The following OPCML variants were observed in gnomAD, a reference collection of about 807,000 sequenced individuals.
OPCML encodes opioid-binding protein/cell adhesion molecule.
A neutral mutation model predicts 37.8 loss-of-function variants in OPCML; 13 were observed. That is an observed-to-expected ratio of 0.34 (90% confidence interval 0.22 to 0.55). The LOEUF (loss-of-function observed/expected upper bound fraction) is 0.55. Among genes scored for constraint, OPCML ranks in the 20% least tolerant of loss-of-function variants. The pLI, the probability that OPCML is intolerant of heterozygous loss-of-function variation, is 0.91. For synonymous variants in OPCML, 176 were observed against 168.8 expected (o/e 1.04, Z -0.33); for missense variants, 341 against 435.6 (o/e 0.78, Z 1.93).
At chr11:132,768,243 A>G (rs1350649902) in intron 2 of OPCML, among the ~76,000 whole-genome samples, 1 of 152,184 alleles carries the variant, frequency 6.6e-6, no homozygotes, top group Non-Finnish European at 1.5e-5. Context: ...AGTTCCCTAC[A>G]GCTCCACCCT....
chr11:132,647,841 A>G (rs1353052436), intron 3 of OPCML, among the ~76,000 whole-genome samples: 1 of 152,174 alleles, frequency 6.6e-6, no homozygotes, highest in Non-Finnish European at 1.5e-5. Context: ...ACTGAAAAAG[A>G]TTATTGACTG....
chr11:133,349,885 T>C (rs1317483144), intron 1 of OPCML, among the ~76,000 whole-genome samples: 1 of 152,220 alleles, frequency 6.6e-6, no homozygotes, highest in Non-Finnish European at 1.5e-5. Context: ...TGAAATTCCA[T>C]TTCTTCCCTG....
intron 2 of OPCML, among the ~76,000 whole-genome samples, chr11:132,795,479 A>T (rs1938249958): frequency 6.6e-6 from 1 of 152,226 alleles, no homozygotes; most frequent in South Asian, 2.1e-4. Context: ...CCCAAAGTGA[A>T]ATCTCATGCC....
At chr11:132,722,971 G>A (rs76812233) in intron 2 of OPCML, among the ~76,000 whole-genome samples, 6,864 of 152,216 alleles carry the variant, frequency 0.045, 430 homozygotes, top group African/African-American at 0.14. Context: ...GAGGTTGATT[G>A]GAACAGACCA....
chr11:133,221,056 A>G (rs1011004685), intron 1 of OPCML, among the ~76,000 whole-genome samples: 37 of 152,108 alleles, frequency 2.4e-4, no homozygotes, highest in African/African-American at 6.8e-4. Flanking sequence ...TAGATCCCCA[A>G]ACTATTTTGT....
intron 1 of OPCML, among the ~76,000 whole-genome samples, chr11:133,198,535 T>C (rs889063294): frequency 4.6e-5 from 7 of 152,062 alleles, no homozygotes; most frequent in South Asian, 2.1e-4. Context: ...AACTTCACGA[T>C]TGGGAACTAG....
intron 1 of OPCML, among the ~76,000 whole-genome samples, chr11:133,123,027 G>A (rs1949445527): frequency 6.6e-6 from 1 of 152,144 alleles, no homozygotes; most frequent in African/African-American, 2.4e-5. Context: ...CAGAAATAAT[G>A]TTTTTCCATG....
chr11:133,493,533 CA>C (rs1947712640), intron 1 of OPCML, among the ~76,000 whole-genome samples: 1 of 152,064 alleles, frequency 6.6e-6, no homozygotes, highest in Admixed American at 6.5e-5. Flanking sequence ...GACACTTCTA[CA>C]ACATCTTTTC....
intron 2 of OPCML, among the ~76,000 whole-genome samples, chr11:132,659,675 T>G (rs1037358420): frequency 6.6e-6 from 1 of 152,000 alleles, no homozygotes; most frequent in Non-Finnish European, 1.5e-5. Flanking sequence ...CATATTCACA[T>G]TTAAAAATTT....
intron 2 of OPCML, among the ~76,000 whole-genome samples, chr11:132,822,503 A>AGTGTGT: frequency 6.7e-6 from 1 of 149,638 alleles, no homozygotes; most frequent in South Asian, 2.1e-4. Context: ...AGGAGAGTGA[A>AGTGTGT]GTGTGTGTGT....
intron 2 of OPCML, among the ~76,000 whole-genome samples, chr11:132,846,200 C>A (rs1373956849): frequency 6.6e-6 from 1 of 152,154 alleles, no homozygotes; most frequent in African/African-American, 2.4e-5. Flanking sequence ...AGTGTCTAGG[C>A]TTACAAGTTT....
At chr11:132,868,503 G>GA (rs72327785) in intron 2 of OPCML, among the ~76,000 whole-genome samples, 1 of 151,824 alleles carries the variant, frequency 6.6e-6, no homozygotes, top group Non-Finnish European at 1.5e-5. Flanking sequence ...CTAAATAATT[G>GA]AAAAAAACTT....
intron 2 of OPCML, among the ~76,000 whole-genome samples, chr11:132,918,193 G>A (rs1174371410): frequency 6.6e-6 from 1 of 152,018 alleles, no homozygotes; most frequent in Non-Finnish European, 1.5e-5. Flanking sequence ...AACTGTTTTT[G>A]TATCCCTTTT....
At chr11:133,118,586 G>A (rs548144445) in intron 1 of OPCML, among the ~76,000 whole-genome samples, 42 of 152,082 alleles carry the variant, frequency 2.8e-4, no homozygotes, top group East Asian at 9.7e-4. Context: ...CCTAGAGGCC[G>A]CATGTATGGC....
intron 1 of OPCML, chr11:133,361,588 T>C (rs868262275): frequency 7.1e-5 from 11 of 155,924 alleles, no homozygotes; most frequent in South Asian, 1.3e-4. Context: ...CCTGCAGCTA[T>C]TCCGGGGCAC....
At chr11:132,745,881 A>G (rs775805071) in intron 2 of OPCML, among the ~76,000 whole-genome samples, 4 of 152,162 alleles carry the variant, frequency 2.6e-5, no homozygotes, top group Non-Finnish European at 5.9e-5. Flanking sequence ...TTCAGAAAGG[A>G]TCCTCCTGCC....
chr11:133,068,892 G>A lies in OPCML; in HGVS notation c.62-125882C>T, dbSNP rs1191982794. ...TACACATACCAAAGAGGTAGGTGGCGTCGGTCGAAAATCCTAAAGCAAGTG... is the reference window on the plus strand; with the variant it reads ...TACACATACCAAAGAGGTAGGTGGCATCGGTCGAAAATCCTAAAGCAAGTG... On this transcript the variant is annotated intron_variant, in intron 1 of 7. Coordinates refer to ENST00000524381, the MANE Select transcript of OPCML (RefSeq NM_001012393.5). Among the ~76,000 whole-genome samples the A allele has an allele frequency of 5.9e-5, 9 of 152,188 alleles. No homozygotes were observed. In the East Asian group the frequency reaches 1.2e-3, roughly 20 times the overall value.
At chr11:132,429,538 T>A (rs1409309245) in intron 7 of OPCML, among the ~76,000 whole-genome samples, 1 of 152,108 alleles carries the variant, frequency 6.6e-6, no homozygotes, top group African/African-American at 2.4e-5. Context: ...GAGCGAGGCA[T>A]GCCCCGAGCG....
At chr11:132,550,677 G>T (rs1348173450) in intron 3 of OPCML, among the ~76,000 whole-genome samples, 1 of 152,200 alleles carries the variant, frequency 6.6e-6, no homozygotes, top group Non-Finnish European at 1.5e-5. Flanking sequence ...TGTTAGCAGG[G>T]AATCTATCTG....
Sources: allele counts gnomAD v4.1 joint callset (sites outside exome capture counted in the v4.1 genomes callset), GRCh38; gene constraint gnomAD v4.1.1; transcripts MANE v1.5; gene names NCBI Gene and HGNC (gene_info 2026-07-23, HGNC 2026-07-21).